Variants in NTM observed in about 807,000 individuals in gnomAD.
NTM encodes the protein IgLON family member 2.
In NTM, 13 loss-of-function variants were observed where a neutral mutation model predicts 42.1. The ratio of observed to expected loss-of-function variants is 0.31; its 90% CI spans 0.20 to 0.49. The LOEUF is 0.49. NTM is among the 20% of genes least tolerant of loss of function. The pLI is 0.99. For missense variants in NTM, 373 were observed against 452.8 expected, an observed-to-expected ratio of 0.82 and a Z score of 1.60; for synonymous variants, 187 against 179.2, an observed-to-expected ratio of 1.04 and a Z score of -0.35.
At chr11:132,255,324 T>G (rs1031616391) in intron 4 of NTM, among the ~76,000 whole-genome samples, 1 of 152,204 alleles carries the variant, frequency 6.6e-6, no homozygotes, top group Non-Finnish European at 1.5e-5. Context: ...CTTTCTCTCC[T>G]GACAATATGA....
chr11:131,651,452 G>A (rs1296633496), intron 1 of NTM, among the ~76,000 whole-genome samples: 1 of 152,158 alleles, frequency 6.6e-6, no homozygotes, highest in Non-Finnish European at 1.5e-5. Context: ...AGATGCTGTG[G>A]AATAAAGCTC....
intron 1 of NTM, among the ~76,000 whole-genome samples, chr11:131,379,669 C>T (rs1444344747): frequency 6.6e-6 from 1 of 152,178 alleles, no homozygotes; most frequent in African/African-American, 2.4e-5. Context: ...ATAAATATTA[C>T]CTAATTCTAC....
intron 2 of NTM, among the ~76,000 whole-genome samples, chr11:132,111,868 A>T (rs568972849): frequency 6.6e-6 from 1 of 152,238 alleles, no homozygotes. Flanking sequence ...CTTCACCACT[A>T]GTTTGAATTT....
chr11:131,512,810 C>T (rs1247972410), intron 1 of NTM, among the ~76,000 whole-genome samples: 2 of 152,220 alleles, frequency 1.3e-5, no homozygotes, highest in East Asian at 3.9e-4. Flanking sequence ...TGCAGGCAGA[C>T]CCCCAGACAC....
Position 131,789,415 on chromosome 11 carries a change from GAA to G in NTM, c.83-122143_83-122142del, listed in dbSNP as rs1177473007. Among the ~76,000 whole-genome samples, 2 of 52,938 alleles carry G rather than the reference GAA, an allele frequency of 3.8e-5. 1 individual carries two copies. The highest frequency in any genetic ancestry group is 2.0e-4 in the African/African-American group (2 of 10,166). 34.7% of individuals were successfully genotyped at this position (52,938 alleles called of 152,430 possible). A position where few individuals can be genotyped will look rare whatever the true frequency, so the allele number is the denominator to read the frequency against. On this transcript the variant is annotated intron_variant, in intron 1 of 8. Coordinates refer to ENST00000683400, the MANE Select transcript of NTM (RefSeq NM_001352005.2). ...CTCAGAAGTATTGCTGCAGTTAAAAGAAAAAAAGAAGAAGGAAGAAGAAGAAG... is the reference window on the plus strand; with the variant it reads ...CTCAGAAGTATTGCTGCAGTTAAAAGAAAAAGAAGAAGGAAGAAGAAGAAG...
At chr11:131,497,111 A>G (rs754283146) in intron 1 of NTM, among the ~76,000 whole-genome samples, 1 of 152,218 alleles carries the variant, frequency 6.6e-6, no homozygotes, top group East Asian at 1.9e-4. Context: ...GGAAACCCCT[A>G]TGAAATGGGG....
At chr11:131,862,547 G>GT (rs939936767) in intron 1 of NTM, among the ~76,000 whole-genome samples, 2 of 152,146 alleles carry the variant, frequency 1.3e-5, no homozygotes, top group Non-Finnish European at 2.9e-5. Flanking sequence ...ATCGAGGGTT[G>GT]TTTTTTATTT....
At chr11:131,769,276 T>C (rs1526565) in intron 1 of NTM, among the ~76,000 whole-genome samples, 75,485 of 150,510 alleles carry the variant, frequency 0.5, 19,221 homozygotes, top group East Asian at 0.61. Flanking sequence ...TTTTATTCTC[T>C]AATGATTTGG....
intron 1 of NTM, among the ~76,000 whole-genome samples, chr11:131,603,323 GAATAACTGGGAATCTTATT>G (rs2060647352): frequency 6.6e-6 from 1 of 151,962 alleles, no homozygotes; most frequent in Admixed American, 6.6e-5. Context: ...ATGTGCATAT[GAATAACTGGGAATCTTATT>G]AATATGAAAA....
chr11:132,093,009 G>T (rs2060546920), intron 2 of NTM, among the ~76,000 whole-genome samples: 1 of 152,170 alleles, frequency 6.6e-6, no homozygotes. Flanking sequence ...GCTGCAGCTA[G>T]AAAGAGCCTT....
intron 1 of NTM, among the ~76,000 whole-genome samples, chr11:131,827,831 C>T (rs1325196001): frequency 1.3e-5 from 2 of 152,162 alleles, no homozygotes; most frequent in African/African-American, 2.4e-5. Context: ...TGGACAGCTA[C>T]CTTGTTAATT....
At chr11:132,109,776 C>CT (rs2062917185) in intron 2 of NTM, among the ~76,000 whole-genome samples, 1 of 152,144 alleles carries the variant, frequency 6.6e-6, no homozygotes, top group Admixed American at 6.5e-5. Flanking sequence ...AATGTGTAGT[C>CT]TTTTATCCCT....
rs540969987 is a variant in NTM at position 131,529,418 on chromosome 11, T to C, written c.82+158530T>C. 5.3e-5 allele frequency among the ~76,000 whole-genome samples: 8 copies of C among 152,306 alleles called. No individual in the cohort carries two copies. In the South Asian group the frequency reaches 1.7e-3, roughly 32 times the overall value. On this transcript the variant is annotated intron_variant, in intron 1 of 8. Transcript: ENST00000683400. ...CAACTTTGAACCTTGAGGGAAAAAT[T>C]AGACTCTCAACCTTGCTCCTTTCTG...
rs567000048 is a variant in NTM at position 131,900,293 on chromosome 11, A to G, written c.83-11271A>G. ...ATAAAACAAAATCTGACATGGCTCCAAAAGGGAAGAAGAAGTAGTTGCTAA... is the reference window on the plus strand; with the variant it reads ...ATAAAACAAAATCTGACATGGCTCCGAAAGGGAAGAAGAAGTAGTTGCTAA... On this transcript the variant is annotated intron_variant, in intron 1 of 8. Coordinates refer to ENST00000683400, the MANE Select transcript of NTM (RefSeq NM_001352005.2). Among the ~76,000 whole-genome samples, 18 of 152,388 alleles carry G rather than the reference A, an allele frequency of 1.2e-4. No individual in the cohort carries two copies. The East Asian group carries it at 3.3e-3, about 28-fold the overall frequency.
chr11:131,752,122 G>A (rs961828032), intron 1 of NTM, among the ~76,000 whole-genome samples: 3 of 152,210 alleles, frequency 2.0e-5, no homozygotes, highest in Admixed American at 2.0e-4. Context: ...AACTGTTGGG[G>A]AGGATATAGA....
chr11:131,540,310 G>T (rs143262758), intron 1 of NTM, among the ~76,000 whole-genome samples: 1 of 151,932 alleles, frequency 6.6e-6, no homozygotes, highest in Non-Finnish European at 1.5e-5. Flanking sequence ...GACTACAGGC[G>T]CATGCCACCA....
intron 1 of NTM, among the ~76,000 whole-genome samples, chr11:131,797,928 C>T (rs751945428): frequency 3.9e-5 from 6 of 152,018 alleles, no homozygotes; most frequent in Non-Finnish European, 5.9e-5. Context: ...GTAGCAGCCA[C>T]GCATTCAACT....
intron 2 of NTM, among the ~76,000 whole-genome samples, chr11:131,987,378 C>CTATTCTATT: frequency 6.8e-6 from 1 of 147,802 alleles, no homozygotes; most frequent in South Asian, 2.2e-4. Flanking sequence ...TCCTATTCCT[C>CTATTCTATT]CTATTCTATT....
At chr11:132,256,161 C>A (rs1322571289) in intron 4 of NTM, among the ~76,000 whole-genome samples, 1 of 152,150 alleles carries the variant, frequency 6.6e-6, no homozygotes, top group Non-Finnish European at 1.5e-5. Context: ...CTTGCACATA[C>A]CACACACAAT....
Sources: gnomAD v4.1 joint callset for allele counts (sites outside exome capture counted in the v4.1 genomes callset) on GRCh38, gnomAD v4.1.1 for gene constraint, MANE v1.5 for transcripts, NCBI Gene and HGNC (gene_info 2026-07-23, HGNC 2026-07-21) for gene names.